Variants in KLHL6 observed in about 807,000 individuals in gnomAD.
The protein encoded by KLHL6 is kelch-like protein 6.
In KLHL6, 41 loss-of-function variants were observed where a neutral mutation model predicts 58.6. The observed-to-expected ratio is 0.70, with a 90% CI of 0.55 to 0.91. The LOEUF is 0.91. Among genes scored for constraint, KLHL6 ranks in the 40% least tolerant of loss-of-function variants. KLHL6 has a pLI of 0.00. For missense variants in KLHL6, 714 were observed against 805.6 expected, an observed-to-expected ratio of 0.89 and a Z score of 1.38; for synonymous variants, 338 against 322.7, an observed-to-expected ratio of 1.05 and a Z score of -0.51.
At chr3:183,529,380 T>A (rs957096001) in intron 1 of KLHL6, among the ~76,000 whole-genome samples, 1 of 152,208 alleles carries the variant, frequency 6.6e-6, no homozygotes, top group African/African-American at 2.4e-5. Flanking sequence ...GAATTTATCA[T>A]GCTTCTTGGA....
chr3:183,494,399 A>G (rs891703578), intron 4 of KLHL6, 118 bp from the exon 5 acceptor site: 17 of 767,766 alleles, frequency 2.2e-5, no homozygotes, highest in Non-Finnish European at 3.7e-5. Context: ...CCCTGAGGGG[A>G]GATACAAGAA....
At chr3:183,547,929 G>A (rs966866360) in intron 1 of KLHL6, among the ~76,000 whole-genome samples, 6 of 152,174 alleles carry the variant, frequency 3.9e-5, no homozygotes, top group Non-Finnish European at 7.3e-5. Context: ...TCTTTTGCTA[G>A]TGTAGGCTAC....
intron 3 of KLHL6, among the ~76,000 whole-genome samples, chr3:183,504,133 T>C (rs1717941263): frequency 6.6e-6 from 1 of 152,006 alleles, no homozygotes; most frequent in Admixed American, 6.5e-5. Context: ...AGAAGGAAAA[T>C]GATTGATTGT....
At chr3:183,531,707 A>C (rs1445409433) in intron 1 of KLHL6, among the ~76,000 whole-genome samples, 1 of 151,760 alleles carries the variant, frequency 6.6e-6, no homozygotes, top group African/African-American at 2.4e-5. Context: ...CTGCCTCCCA[A>C]AGTGCTGGGA....
rs758418441 is a variant in KLHL6 at position 183,555,640 on chromosome 3, C to T, written c.14G>A (p.Gly5Glu). 88 of 1,596,074 alleles carry T rather than the reference C, an allele frequency of 5.5e-5. No individual in the cohort carries two copies. The highest frequency in any genetic ancestry group is 7.3e-5 in the Non-Finnish European group (86 of 1,172,392). Residue 5 changes from glycine to glutamate, a missense_variant, in exon 1 of 7, where the codon GGA becomes GAA. Around this residue, in one of 2 missense-constraint regions of KLHL6, gnomAD observed 204 missense variants for 175.9 expected, o/e 1.16. Transcript: ENST00000341319. The part of the protein sequence containing the change: MLMA[G>E]QRGAWTMGDV... ...ACCCATGGTCCAGGCGCCCCTTTGT[C>T]CTGCCATCAACATCGAGACTGAAGG...
intron 1 of KLHL6, among the ~76,000 whole-genome samples, chr3:183,530,636 G>C (rs1263175721): frequency 6.6e-6 from 1 of 152,110 alleles, no homozygotes; most frequent in Non-Finnish European, 1.5e-5. Flanking sequence ...AGAAAAATGA[G>C]GGAGCATGTT....
intron 1 of KLHL6, among the ~76,000 whole-genome samples, chr3:183,538,164 C>T (rs1010499399): frequency 6.6e-6 from 1 of 152,164 alleles, no homozygotes; most frequent in Admixed American, 6.5e-5. Context: ...AGAGGACACT[C>T]GAACATTCAA....
At chr3:183,540,825 C>T (rs1712528107) in intron 1 of KLHL6, among the ~76,000 whole-genome samples, 1 of 152,216 alleles carries the variant, frequency 6.6e-6, no homozygotes, top group Non-Finnish European at 1.5e-5. Context: ...GAAGATGAAA[C>T]CTGGCTTCCC....
At position 183,555,481 on chromosome 3, in the gene KLHL6, A is replaced by G. The variant is rs749398006; in HGVS notation, c.173T>C (p.Leu58Pro). The G allele has an allele frequency of 1.2e-6, 2 of 1,614,068 alleles. No individual in the cohort carries two copies. Among genetic ancestry groups the G allele is most frequent in the African/African-American group, 1.3e-5 (1 of 74,926 alleles). ...KFDDAGLSLI[L>P]QNGLETLRME... ...TCGCAGGGTTTCCAGGCCATTCTGA[A>G]GAATTAAGGAGAGTCCCGCGTCGTC... Residue 58 changes from leucine (L) to proline (P), a missense_variant, in exon 1 of 7, where the codon CTT becomes CCT. Leu to Pro is a moderately conservative substitution (Grantham distance 98). Transcript: ENST00000341319.
chr3:183,542,671 C>A (rs986009802), intron 1 of KLHL6, among the ~76,000 whole-genome samples: 7 of 152,176 alleles, frequency 4.6e-5, no homozygotes, highest in African/African-American at 1.2e-4. Flanking sequence ...TCCACCATAA[C>A]CCCTGTGCAG....
rs1266690516 is a variant in KLHL6 at position 183,490,637 on chromosome 3, T to G, written c.*1290A>C. ...CTGGCCAAGATGGTGAAACCCCGTC[T>G]CTACTAAAACTACAAAAATTAGCCA... On this transcript the variant is annotated 3_prime_UTR_variant, in exon 7 of 7. Coordinates refer to ENST00000341319, the MANE Select transcript of KLHL6 (RefSeq NM_130446.4). 6.6e-6 allele frequency: 1 copy of G among 152,020 alleles called. No homozygotes were observed. Among genetic ancestry groups the G allele is most frequent in the Non-Finnish European group, 1.5e-5 (1 of 68,030 alleles). 9.4% of individuals were successfully genotyped at this position (152,020 alleles called of 1,614,324 possible). A position where few individuals can be genotyped will look rare whatever the true frequency, so the allele number is the denominator to read the frequency against.
intron 4 of KLHL6, among the ~76,000 whole-genome samples, chr3:183,497,790 C>T (rs1717756343): frequency 6.6e-6 from 1 of 152,204 alleles, no homozygotes; most frequent in South Asian, 2.1e-4. Context: ...TGTGTTAATT[C>T]ACTGAGACTT....
At chr3:183,549,478 A>G (rs1215290388) in intron 1 of KLHL6, among the ~76,000 whole-genome samples, 1 of 152,204 alleles carries the variant, frequency 6.6e-6, no homozygotes, top group Non-Finnish European at 1.5e-5. Context: ...AGTTTTTTGT[A>G]ACTTATTTCA....
chr3:183,509,412 A>T (rs2108675344), intron 2 of KLHL6, among the ~76,000 whole-genome samples: 1 of 152,360 alleles, frequency 6.6e-6, no homozygotes, highest in Middle Eastern at 3.4e-3. Context: ...TTATTTTTAT[A>T]AAGAAAACAT....
rs938491002 is a variant in KLHL6 at position 183,492,431 on chromosome 3, G to A, written c.1564+63C>T. The A allele has an allele frequency of 6.9e-5, 108 of 1,563,416 alleles. 1 individual carries two copies. Among genetic ancestry groups the A allele is most frequent in the African/African-American group, 1.8e-4 (13 of 73,938 alleles). On this transcript the variant is annotated intron_variant, in intron 6 of 6. Transcript: ENST00000341319. The surrounding 1 kb of genome is among the most constrained non-coding windows in gnomAD (Gnocchi z 5.9). ...GGAGACACCGCGACACACCGTTTAC[G>A]TGCTGCAGCCAGGCGCTCATCAGGT...
At chr3:183,544,001 T>C (rs1294899024) in intron 1 of KLHL6, among the ~76,000 whole-genome samples, 3 of 151,732 alleles carry the variant, frequency 2.0e-5, no homozygotes, top group Non-Finnish European at 2.9e-5. Context: ...CCATCTCTAC[T>C]AAAAATACAA....
intron 2 of KLHL6, among the ~76,000 whole-genome samples, chr3:183,519,402 T>C (rs948728116): frequency 1.3e-5 from 2 of 152,130 alleles, no homozygotes; most frequent in Non-Finnish European, 2.9e-5. Context: ...CATGGACCAA[T>C]AATGCAAATG....
Position 183,527,944 on chromosome 3 carries a change from A to C in KLHL6, c.360T>G (p.Ala120=). The C allele has an allele frequency of 2.5e-6, 4 of 1,614,044 alleles. No homozygotes were observed. The highest frequency in any genetic ancestry group is 3.4e-6 in the Non-Finnish European group (4 of 1,179,976). Residue 120 remains alanine, a synonymous_variant, in exon 2 of 7, where the codon GCT becomes GCG. Coordinates refer to ENST00000341319, the MANE Select transcript of KLHL6 (RefSeq NM_130446.4). ...EKRIIIKGVD[A]ETMHTLLDYT... ...AGTCCAACAGAGTGTGCATGGTCTC[A>C]GCATCAACCCCTTTAATAATGATCC...
At chr3:183,510,883 A>AAAT (rs1718164745) in intron 2 of KLHL6, among the ~76,000 whole-genome samples, 1 of 151,910 alleles carries the variant, frequency 6.6e-6, no homozygotes, top group Admixed American at 6.6e-5. Flanking sequence ...CAAAATAAAT[A>AAAT]AATAAATAAA....
Sources: allele counts gnomAD v4.1 joint callset (sites outside exome capture counted in the v4.1 genomes callset), GRCh38; gene constraint gnomAD v4.1.1; regional missense constraint gnomAD v4.1.1; non-coding constraint Gnocchi (gnomAD v3.1); transcripts MANE v1.5; gene names NCBI Gene and HGNC (gene_info 2026-07-23, HGNC 2026-07-21).